Variants in ACLY observed in about 807,000 individuals in gnomAD.
ACLY encodes the protein ATP citrate lyase, also known as ATP-citrate synthase.
In ACLY, 41 loss-of-function variants were observed where a neutral mutation model predicts 133.0. That is an observed-to-expected ratio of 0.31 (90% CI 0.24 to 0.40). The LOEUF is 0.40. Among genes scored for constraint, ACLY ranks in the 10% least tolerant of loss-of-function variants. The pLI, the probability that ACLY is intolerant of heterozygous loss-of-function variation, is 1.00. For synonymous variants in ACLY, 495 were observed against 549.3 expected (o/e 0.90, Z 1.38); for missense variants, 1,046 against 1,453.8 (o/e 0.72, Z 4.56).
chr17:41,886,276 A>C lies in ACLY; in HGVS notation c.1908T>G (p.Ile636Met). 6.2e-7 allele frequency: 1 copy of C among 1,613,520 alleles called. No individual in the cohort carries two copies. Among genetic ancestry groups the C allele is most frequent in the Non-Finnish European group, 8.5e-7 (1 of 1,179,480 alleles). The change falls in exon 18 of 29, where the codon ATT (isoleucine) becomes ATG (methionine). Residue 636 changes from isoleucine (I) to methionine (M), a missense_variant. By Grantham distance (10) the Ile-to-Met change is conservative. This residue lies in a region of ACLY where 575 missense variants were observed against 804.2 expected (regional missense o/e 0.71). Transcript: ENST00000352035. Reference protein sequence around the residue: ...VGGIKPGCFKIGNTGGMLDNI... With the variant: ...VGGIKPGCFKMGNTGGMLDNI... ...TGTCCAGCATCCCACCTGTGTTGCC[A>C]ATCTTAAAGCACCCAGGCTTGATGC...
At chr17:41,910,821 C>T (rs1555633541) in intron 3 of ACLY, among the ~76,000 whole-genome samples, 1 of 152,204 alleles carries the variant, frequency 6.6e-6, no homozygotes, top group East Asian at 1.9e-4. Flanking sequence ...CTGGCGGCGG[C>T]TGTGGCGAGA....
intron 22 of ACLY, among the ~76,000 whole-genome samples, chr17:41,874,379 T>C (rs558573023): frequency 1.3e-5 from 2 of 152,238 alleles, no homozygotes; most frequent in South Asian, 4.1e-4. Context: ...TCAAGCGATC[T>C]GCCCAGCTAT....
intron 18 of ACLY, among the ~76,000 whole-genome samples, chr17:41,885,720 T>C (rs1206948194): frequency 6.6e-6 from 1 of 152,076 alleles, no homozygotes; most frequent in Non-Finnish European, 1.5e-5. Context: ...ATGATGGAGG[T>C]CTAGGGAGGT....
chr17:41,928,203 A>C (rs782112547), intron 1 of ACLY, among the ~76,000 whole-genome samples: 18 of 152,202 alleles, frequency 1.2e-4, no homozygotes, highest in Non-Finnish European at 2.1e-4. Context: ...TGATTTTTGT[A>C]TATAGTGTGA....
chr17:41,926,900 C>T lies in ACLY; in HGVS notation c.-28+3458G>A, dbSNP rs188080730. ...GTCTTTTTTTTGAGATGGAGTTTCACTGTTGTTGCCCAGGCTGGAGTGCAA... is the reference window on the plus strand; with the variant it reads ...GTCTTTTTTTTGAGATGGAGTTTCATTGTTGTTGCCCAGGCTGGAGTGCAA... On this transcript the variant is annotated intron_variant, in intron 1 of 3. Coordinates refer to the ACLY transcript ENST00000592970. Among the ~76,000 whole-genome samples the T allele has an allele frequency of 2.7e-5, 4 of 148,172 alleles. No individual in the cohort carries two copies. In the East Asian group the frequency reaches 8.2e-4, roughly 30 times the overall value.
chr17:41,921,479 G>GAAAAAAAAAA (rs782660866), upstream of ACLY, among the ~76,000 whole-genome samples: 9 of 42,366 alleles, frequency 2.1e-4, no homozygotes, highest in South Asian at 6.9e-4. Context: ...CCCTGTCTCA[G>GAAAAAAAAAA]AAAAAAAAAA....
chr17:41,875,064 T>C (rs182981200), intron 22 of ACLY, among the ~76,000 whole-genome samples: 2 of 151,450 alleles, frequency 1.3e-5, no homozygotes, highest in African/African-American at 4.8e-5. Context: ...AATAACGTAA[T>C]GGGGCAGGGC....
chr17:41,896,547 CAG>C (rs2049371464), intron 14 of ACLY, 71 bp downstream of exon 14: 2 of 1,387,718 alleles, frequency 1.4e-6, no homozygotes, highest in African/African-American at 1.5e-5. Flanking sequence ...GAGGGGGAAA[CAG>C]AGCACACAGT....
chr17:41,891,672 C>T (rs1184714541), intron 16 of ACLY, among the ~76,000 whole-genome samples: 2 of 151,984 alleles, frequency 1.3e-5, no homozygotes, highest in African/African-American at 4.8e-5. Context: ...CATAAGCCAC[C>T]ATGCCCAGCG....
chr17:41,897,870 G>T (rs1178435755), intron 12 of ACLY, 31 bp from the exon 13 acceptor site: 9 of 1,590,916 alleles, frequency 5.7e-6, no homozygotes, highest in African/African-American at 1.4e-5. Flanking sequence ...AGTGTAAGAG[G>T]TAAGAGTCAC....
At position 41,909,521 on chromosome 17, in the gene ACLY, T is replaced by A; in HGVS notation, c.525A>T (p.Glu175Asp). 6.2e-7 allele frequency: 1 copy of A among 1,614,000 alleles called. No homozygotes were observed. Among genetic ancestry groups the A allele is most frequent in the Non-Finnish European group, 8.5e-7 (1 of 1,179,932 alleles). Residue 175 changes from glutamate (E) to aspartate (D), a missense_variant, in exon 5 of 29, where the codon GAA (glutamate) becomes GAT (aspartate). Glu to Asp is a conservative substitution (Grantham distance 45). Around this residue, in one of 4 missense-constraint regions of ACLY, gnomAD observed 227 missense variants for 245.6 expected, o/e 0.92. Coordinates refer to ENST00000352035, the MANE Select transcript of ACLY (RefSeq NM_001096.3). ...IKKHLLVHAPEDKKEILASFI... is the reference protein window; with the variant it reads ...IKKHLLVHAPDDKKEILASFI... ...CCCTCTCACTCAACTCTTTCTTGTC[T>A]TCAGGGGCGTGGACCAACAGGTGTT... is the stretch of plus-strand genomic sequence containing the variant.
chr17:41,909,903 AC>A (rs2049847436), intron 4 of ACLY, among the ~76,000 whole-genome samples: 4 of 152,074 alleles, frequency 2.6e-5, no homozygotes, highest in Admixed American at 2.6e-4. Context: ...AGAAGCCTCT[AC>A]CCCACTGGCT....
At chr17:41,891,666 A>C (rs1387684514) in intron 16 of ACLY, among the ~76,000 whole-genome samples, 2 of 152,186 alleles carry the variant, frequency 1.3e-5, no homozygotes, top group East Asian at 3.9e-4. Flanking sequence ...AACAGGCATA[A>C]GCCACCATGC....
At chr17:41,919,000 T>C (rs1363701400), upstream of ACLY, 1 of 1,286,902 alleles carries the variant, frequency 7.8e-7, no homozygotes. Flanking sequence ...CAGCCGGACT[T>C]TTCCCCGCCC....
intron 22 of ACLY, among the ~76,000 whole-genome samples, chr17:41,877,334 G>T (rs2048788300): frequency 6.6e-6 from 1 of 151,010 alleles, no homozygotes; most frequent in Non-Finnish European, 1.5e-5. Flanking sequence ...GTAGAGATGG[G>T]GTTTCACCAT....
chr17:41,878,002 G>T, intron 22 of ACLY, 101 bp downstream of exon 22: 2 of 623,894 alleles, frequency 3.2e-6, no homozygotes, highest in Non-Finnish European at 5.0e-6. Context: ...AATACAGAAG[G>T]CCTGGTTTCC....
chr17:41,881,787 T>TA (rs1360035793), intron 20 of ACLY, among the ~76,000 whole-genome samples: 1 of 152,174 alleles, frequency 6.6e-6, no homozygotes, highest in Non-Finnish European at 1.5e-5. Context: ...GGTCTGATTT[T>TA]AAAGCCTGTG....
At chr17:41,907,958 G>A (rs1010551759) in intron 6 of ACLY, among the ~76,000 whole-genome samples, 2 of 152,112 alleles carry the variant, frequency 1.3e-5, no homozygotes, top group African/African-American at 4.8e-5. Flanking sequence ...ACCCCCCACC[G>A]GTATGCACAT....
chr17:41,897,739 A>C lies in ACLY; in HGVS notation c.1429+10T>G. 1.2e-6 allele frequency: 2 copies of C among 1,612,522 alleles called. No homozygotes were observed. The highest frequency in any genetic ancestry group is 3.3e-5 in the Admixed American group (2 of 59,826). On this transcript the variant is annotated intron_variant, in intron 13 of 28. Transcript: ENST00000352035. The stretch of plus-strand genomic sequence containing the variant: ...CTCCCTGCAACATGCCTGAAGCCTC[A>C]GGGAGTTACCTTGTGGCATGGCAGG...
Sources: gnomAD v4.1 joint callset for allele counts (sites outside exome capture counted in the v4.1 genomes callset) on GRCh38, gnomAD v4.1.1 for gene constraint, gnomAD v4.1.1 regional missense constraint, MANE v1.5 for transcripts, NCBI Gene and HGNC (gene_info 2026-07-23, HGNC 2026-07-21) for gene names.